The following KCP variants were observed in gnomAD, a reference collection of about 807,000 sequenced individuals.
KCP encodes kielin/chordin-like protein.
Under a neutral mutation model 212.7 loss-of-function variants are expected in KCP, and 194 were observed. The ratio of observed to expected loss-of-function variants is 0.91; its 90% CI spans 0.81 to 1.03. The LOEUF is 1.03. Ranked by LOEUF, KCP falls within the 50% of genes least tolerant of loss-of-function variation. The pLI is 0.00. For missense variants in KCP, 2,080 were observed against 2,162.5 expected (o/e 0.96, Z 0.76); for synonymous variants, 833 against 865.3 (o/e 0.96, Z 0.65).
rs191095949 is a variant in KCP at position 128,878,637 on chromosome 7, T to C, written c.4232A>G (p.Asn1411Ser). Reference protein sequence around the residue: ...GRTCGLCGNFNGFAQDDLQGP... With the variant: ...GRTCGLCGNFSGFAQDDLQGP... ...CTGCAGATCGTCCTGGGCAAAGCCA[T>C]TGAAGTTCCCACAGAGCCCACAAGT... The change falls in exon 38 of 40, where the codon AAT becomes AGT. Residue 1411 changes from asparagine to serine, a missense_variant. Coordinates refer to ENST00000610776, the MANE Select transcript of KCP (RefSeq NM_001366122.1). The C allele has an allele frequency of 4.0e-4, 625 of 1,551,334 alleles. 4 individuals are homozygous for C. The East Asian group carries it at 0.012, about 29-fold the overall frequency.
intron 16 of KCP, 22 bp from the exon 17 acceptor site, chr7:128,891,841 C>T (rs1585223723): frequency 7.0e-7 from 1 of 1,431,194 alleles, no homozygotes; most frequent in Non-Finnish European, 9.2e-7. Context: ...ATGGTGGGGG[C>T]AGGTATGAGG....
intron 16 of KCP, among the ~76,000 whole-genome samples, 185 bp from the exon 17 acceptor site, chr7:128,892,004 C>T (rs1370034864): frequency 6.6e-6 from 1 of 152,156 alleles, no homozygotes; most frequent in Non-Finnish European, 1.5e-5. Flanking sequence ...TGTGCGTGCG[C>T]ATTGGGGGTC....
intron 25 of KCP, 48 bp downstream of exon 25, chr7:128,886,607 G>GGTGCTATGGTCCAGCT: frequency 6.4e-7 from 1 of 1,550,734 alleles, no homozygotes; most frequent in East Asian, 2.4e-5. Context: ...GGGGCCCAGA[G>GGTGCTATGGTCCAGCT]GTGCTATGGT....
chr7:128,894,168 T>G (rs1794373613), intron 9 of KCP, 32 bp downstream of exon 9: 1 of 1,510,380 alleles, frequency 6.6e-7, no homozygotes, highest in East Asian at 2.5e-5. Flanking sequence ...TTGCCCACCA[T>G]GGTCAGGCCT....
chr7:128,880,868 C>G (rs143297709), intron 32 of KCP, 129 bp downstream of exon 32: 4 of 399,792 alleles, frequency 1.0e-5, no homozygotes, highest in Non-Finnish European at 1.8e-5. Context: ...ATCCAGCCTT[C>G]GGCTCCATGC....
In KCP at chr7:128,884,785, C is replaced by A. The variant is rs1391800596; in HGVS notation, c.3119G>T (p.Cys1040Phe). Reference sequence around the variant, plus strand: ...CACCACTGTGCCCTCACCTACCTCGCAGATGCACACTTCACAGGGGTCTGC... The same window carrying A: ...CACCACTGTGCCCTCACCTACCTCGAAGATGCACACTTCACAGGGGTCTGC... The part of the protein sequence containing the change: ...PGADPCEVCI[C>F]EPQPEGPPSL... Residue 1040 changes from cysteine to phenylalanine, a missense_variant, in exon 28 of 40, where the codon TGC becomes TTC. Transcript: ENST00000610776. 5.2e-6 allele frequency: 8 copies of A among 1,551,068 alleles called. No individual in the cohort carries two copies. Among genetic ancestry groups the A allele is most frequent in the Non-Finnish European group, 7.0e-6 (8 of 1,146,948 alleles).
rs1795388285 is a variant in KCP at position 128,910,662 on chromosome 7, C to G, written c.15G>C (p.Gly5=). Residue 5 remains glycine, a synonymous_variant, in exon 1 of 40, where the codon GGG becomes GGC. Transcript: ENST00000610776. Reference sequence around the variant, plus strand: ...GCAGGAGAAGGGACAGCGCAGCGGCCCCGACCCCGGCCATGCTAGCTCCGC... The same window carrying G: ...GCAGGAGAAGGGACAGCGCAGCGGCGCCGACCCCGGCCATGCTAGCTCCGC... MAGV[G]AAALSLLLHL... 1 of 1,507,764 alleles carries G rather than the reference C, an allele frequency of 6.6e-7. No homozygotes were observed. The highest frequency in any genetic ancestry group is 1.4e-5 in the African/African-American group (1 of 69,426). 93.4% of individuals were successfully genotyped at this position (1,507,764 alleles called of 1,614,324 possible).
intron 2 of KCP, 48 bp downstream of exon 2, chr7:128,908,378 T>G: frequency 6.6e-7 from 1 of 1,513,470 alleles, no homozygotes; most frequent in East Asian, 2.5e-5. Context: ...CCTCCCACTA[T>G]GAGAAGCCCT....
At chr7:128,907,518 A>T in intron 2 of KCP, 65 bp from the exon 3 acceptor site, 1 of 1,145,792 alleles carries the variant, frequency 8.7e-7, no homozygotes, top group Non-Finnish European at 1.2e-6. Flanking sequence ...AGTAGAGATG[A>T]GGGGTGTGAA....
intron 1 of KCP, 66 bp from the exon 2 acceptor site, chr7:128,908,634 T>C (rs1585263970): frequency 6.7e-7 from 1 of 1,495,060 alleles, no homozygotes; most frequent in East Asian, 2.5e-5. Flanking sequence ...ATTTTCTGGG[T>C]TCTGTCTTCT....
At chr7:128,898,749 A>G (rs1237131483) in intron 8 of KCP, among the ~76,000 whole-genome samples, 6 of 152,266 alleles carry the variant, frequency 3.9e-5, no homozygotes, top group Non-Finnish European at 7.3e-5. Context: ...TGAAGGTTTG[A>G]GCAAGTTGTG....
In KCP at chr7:128,880,226, C is replaced by G. The variant is rs1793242747; in HGVS notation, c.3760-141G>C. 19 of 1,281,348 alleles carry G rather than the reference C, an allele frequency of 1.5e-5. No individual in the cohort carries two copies. The South Asian group carries it at 2.8e-4, about 19-fold the overall frequency. 79.4% of individuals were successfully genotyped at this position (1,281,348 alleles called of 1,614,324 possible). A position where few individuals can be genotyped will look rare whatever the true frequency, so the allele number is the denominator to read the frequency against. On this transcript the variant is annotated intron_variant, in intron 34 of 39. Transcript: ENST00000610776. ...CTCCCAGGCTCCCTGTGAGTGAGGTCAGGGCACCACATCGTGGTCGCACTG... is the reference window on the plus strand; with the variant it reads ...CTCCCAGGCTCCCTGTGAGTGAGGTGAGGGCACCACATCGTGGTCGCACTG...
In KCP at chr7:128,879,774, C is replaced by A; in HGVS notation, c.3988G>T (p.Val1330Leu). Residue 1330 changes from valine to leucine, a missense_variant, in exon 36 of 40, where the codon GTG becomes TTG. Coordinates refer to ENST00000610776, the MANE Select transcript of KCP (RefSeq NM_001366122.1). ...GRSGVAWTQEVAVLLGDMAVR... is the reference protein window; with the variant it reads ...GRSGVAWTQELAVLLGDMAVR... ...GCCATGTCTCCCAGCAGCACCGCCA[C>A]CTCCTGGGTCCAGGCCACACCGCTC... 1 of 1,550,660 alleles carries A rather than the reference C, an allele frequency of 6.4e-7. No individual in the cohort carries two copies. The highest frequency in any genetic ancestry group is 2.4e-5 in the East Asian group (1 of 40,916).
intron 10 of KCP, 37 bp downstream of exon 10, chr7:128,893,939 C>T (rs1040164358): frequency 8.9e-5 from 138 of 1,549,374 alleles, no homozygotes; most frequent in Non-Finnish European, 1.1e-4. Flanking sequence ...AGGCAGGCCC[C>T]GGAGCCAGGC....
Position 128,881,812 on chromosome 7 carries a change from G to A in KCP, c.3325-87C>T. On this transcript the variant is annotated intron_variant, in intron 30 of 39. Coordinates refer to ENST00000610776, the MANE Select transcript of KCP (RefSeq NM_001366122.1). The stretch of plus-strand genomic sequence containing the variant: ...GGCATAGGCAGGATGTGACAGTCAG[G>A]ACAAGTGGGCAAATGTCAGGGCGAA... 7 of 1,387,968 alleles carry A rather than the reference G, an allele frequency of 5.0e-6. No individual in the cohort carries two copies. In the South Asian group the frequency reaches 6.2e-5, roughly 12 times the overall value. The allele number at this position is 1,387,968 out of a possible 1,614,324, so 86.0% of individuals were successfully genotyped here.
At chr7:128,902,967 GA>G in intron 7 of KCP, 108 bp from the exon 8 acceptor site, 1 of 807,176 alleles carries the variant, frequency 1.2e-6, no homozygotes. Context: ...GCTCTCTCCC[GA>G]GCCAAGACTA....
At chr7:128,878,922 G>A (rs1793151765) in intron 37 of KCP, 200 bp from the exon 38 acceptor site, 2 of 542,628 alleles carry the variant, frequency 3.7e-6, no homozygotes, top group Non-Finnish European at 6.4e-6. Flanking sequence ...CCTGGGCAAA[G>A]ACAGATGACA....
In KCP at chr7:128,886,979, G is replaced by T; in HGVS notation, c.2599-13C>A. On this transcript the variant is annotated splice_polypyrimidine_tract_variant and intron_variant, in intron 23 of 39. Coordinates refer to ENST00000610776, the MANE Select transcript of KCP (RefSeq NM_001366122.1). ...GCATGGAACCTTCCTGGGGGAGAGA[G>T]GCCCATCACACCCTCAACTGGACTG... 7.2e-7 allele frequency: 1 copy of T among 1,393,874 alleles called. No individual in the cohort carries two copies. Among genetic ancestry groups the T allele is most frequent in the Non-Finnish European group, 9.9e-7 (1 of 1,007,526 alleles). 86.3% of individuals were successfully genotyped at this position (1,393,874 alleles called of 1,614,324 possible).
intron 1 of KCP, among the ~76,000 whole-genome samples, chr7:128,909,120 G>C (rs1795300498): frequency 6.6e-6 from 1 of 152,182 alleles, no homozygotes; most frequent in Non-Finnish European, 1.5e-5. Context: ...AGGAAAGAGG[G>C]ACGGGGCACC....
Sources: allele counts gnomAD v4.1 joint callset (sites outside exome capture counted in the v4.1 genomes callset), GRCh38; gene constraint gnomAD v4.1.1; transcripts MANE v1.5; gene names NCBI Gene and HGNC (gene_info 2026-07-23, HGNC 2026-07-21).